CDKAL1: variants seen among roughly 807,000 people sequenced by gnomAD.
The protein encoded by CDKAL1 is CDKAL1 threonylcarbamoyladenosine tRNA methylthiotransferase, also known as threonylcarbamoyladenosine tRNA methylthiotransferase.
CDKAL1 carries 32 observed loss-of-function variants against 68.2 expected under a neutral mutation model. That is an observed-to-expected ratio of 0.47 (90% CI 0.35 to 0.63). The LOEUF (loss-of-function observed/expected upper bound fraction) is 0.63, where lower values mean the gene tolerates loss of function less well. CDKAL1 is among the 30% of genes least tolerant of loss of function. CDKAL1 has a pLI of 0.00. For synonymous variants in CDKAL1, 234 were observed against 244.3 expected, an observed-to-expected ratio of 0.96 and a Z score of 0.39; for missense variants, 606 against 696.7, an observed-to-expected ratio of 0.87 and a Z score of 1.47.
At chr6:21,186,490 A>G (rs1231032599) in intron 13 of CDKAL1, among the ~76,000 whole-genome samples, 1 of 152,170 alleles carries the variant, frequency 6.6e-6, no homozygotes, top group Non-Finnish European at 1.5e-5. Flanking sequence ...GCCACACTGA[A>G]TGGAAAATGA....
intron 13 of CDKAL1, among the ~76,000 whole-genome samples, chr6:21,169,562 G>A (rs529796502): frequency 4.3e-4 from 65 of 152,322 alleles, no homozygotes; most frequent in Non-Finnish European, 7.6e-4. Flanking sequence ...CTTGAACCCG[G>A]GAGGGAGAGG....
intron 13 of CDKAL1, among the ~76,000 whole-genome samples, chr6:21,124,579 C>T (rs766932539): frequency 6.6e-6 from 1 of 151,818 alleles, no homozygotes; most frequent in Non-Finnish European, 1.5e-5. Flanking sequence ...TTACCCACTA[C>T]TTTTGATTGT....
intron 12 of CDKAL1, among the ~76,000 whole-genome samples, chr6:21,092,840 A>G (rs1383617566): frequency 6.6e-6 from 1 of 152,026 alleles, no homozygotes; most frequent in Non-Finnish European, 1.5e-5. Flanking sequence ...AGAGCAAAAA[A>G]TAATTCTTAG....
intron 15 of CDKAL1, among the ~76,000 whole-genome samples, chr6:21,203,657 CTGTGCTTTGGACTTATTT>C (rs530869515): frequency 9.2e-4 from 135 of 146,754 alleles, no homozygotes; most frequent in African/African-American, 2.9e-3. Context: ...AAGCAAAATA[CTGTGCTTTGGACTTATTT>C]TGTCTCACTT....
intron 8 of CDKAL1, among the ~76,000 whole-genome samples, chr6:20,843,938 T>C (rs1441008416): frequency 6.6e-6 from 1 of 152,052 alleles, no homozygotes; most frequent in Non-Finnish European, 1.5e-5. Context: ...CACAGCTTCA[T>C]GACAAGGCCT....
chr6:21,123,615 C>G (rs530201245), intron 13 of CDKAL1, among the ~76,000 whole-genome samples: 1 of 152,164 alleles, frequency 6.6e-6, no homozygotes, highest in African/African-American at 2.4e-5. Context: ...GGTCCTGCTC[C>G]GGGGCCCTGT....
chr6:21,188,799 A>G (rs1045000513), intron 13 of CDKAL1, among the ~76,000 whole-genome samples: 6 of 151,880 alleles, frequency 4.0e-5, no homozygotes, highest in African/African-American at 1.2e-4. Context: ...TTCATGTTAT[A>G]TGTTCTTACC....
At chr6:20,567,117 A>G (rs1376432909) in intron 4 of CDKAL1, among the ~76,000 whole-genome samples, 1 of 151,856 alleles carries the variant, frequency 6.6e-6, no homozygotes, top group East Asian at 1.9e-4. Flanking sequence ...AAAGACATTG[A>G]CTGACTCAAA....
intron 5 of CDKAL1, among the ~76,000 whole-genome samples, chr6:20,687,387 T>A (rs188002653): frequency 2.6e-5 from 4 of 152,348 alleles, no homozygotes; most frequent in Non-Finnish European, 5.9e-5. Context: ...TTTTTCTTCT[T>A]ACATGAGTTT....
intron 5 of CDKAL1, among the ~76,000 whole-genome samples, chr6:20,705,604 T>C (rs1562040149): frequency 6.6e-6 from 1 of 152,164 alleles, no homozygotes; most frequent in East Asian, 1.9e-4. Context: ...TATAAACAAC[T>C]GGGCCTAAGA....
At chr6:21,229,638 G>A (rs769676184) in intron 15 of CDKAL1, among the ~76,000 whole-genome samples, 7 of 152,248 alleles carry the variant, frequency 4.6e-5, no homozygotes, top group East Asian at 1.9e-4. Context: ...GTCCTGCACC[G>A]CCTCTGGGCT....
intron 10 of CDKAL1, among the ~76,000 whole-genome samples, chr6:20,971,396 G>A (rs566103325): frequency 3.8e-4 from 58 of 152,184 alleles, no homozygotes; most frequent in African/African-American, 1.3e-3. Flanking sequence ...TTTGTTGATC[G>A]GAAAGATATT....
chr6:20,626,471 G>A (rs1264027902), intron 4 of CDKAL1, among the ~76,000 whole-genome samples: 1 of 152,118 alleles, frequency 6.6e-6, no homozygotes, highest in African/African-American at 2.4e-5. Flanking sequence ...ATGAATATAT[G>A]TTATGAAAGT....
chr6:21,218,822 A>G (rs1047664579), intron 15 of CDKAL1, among the ~76,000 whole-genome samples: 1 of 152,206 alleles, frequency 6.6e-6, no homozygotes, highest in Non-Finnish European at 1.5e-5. Flanking sequence ...AAGTGAGTAC[A>G]TTCAGACCAT....
intron 5 of CDKAL1, among the ~76,000 whole-genome samples, chr6:20,651,833 G>A (rs1011865383): frequency 2.0e-5 from 3 of 152,162 alleles, no homozygotes; most frequent in Non-Finnish European, 2.9e-5. Context: ...CTTTAGTTCT[G>A]TTTATGTGAT....
chr6:20,551,938 A>G (rs1763850146), intron 4 of CDKAL1, among the ~76,000 whole-genome samples: 1 of 151,616 alleles, frequency 6.6e-6, no homozygotes, highest in South Asian at 2.1e-4. Flanking sequence ...ATGTTTGCCC[A>G]GGCTGGCCCC....
chr6:20,812,170 T>C (rs1776848783), intron 8 of CDKAL1, among the ~76,000 whole-genome samples: 1 of 152,254 alleles, frequency 6.6e-6, no homozygotes, highest in African/African-American at 2.4e-5. Context: ...GTAGGACGAA[T>C]GCCTAATTCC....
intron 5 of CDKAL1, among the ~76,000 whole-genome samples, chr6:20,661,120 C>G (rs1769265415): frequency 6.6e-6 from 1 of 152,096 alleles, no homozygotes; most frequent in South Asian, 2.1e-4. Flanking sequence ...TAGAATAGTG[C>G]CTGATGAACA....
chr6:20,895,757 C>T (rs866972267), intron 9 of CDKAL1, among the ~76,000 whole-genome samples: 1 of 152,182 alleles, frequency 6.6e-6, no homozygotes, highest in Non-Finnish European at 1.5e-5. Context: ...AAGGGAATGG[C>T]TTCCCAAAAC....
Sources: gnomAD v4.1 joint callset for allele counts (sites outside exome capture counted in the v4.1 genomes callset) on GRCh38, gnomAD v4.1.1 for gene constraint, MANE v1.5 for transcripts, NCBI Gene and HGNC (gene_info 2026-07-23, HGNC 2026-07-21) for gene names.